KCNC3: variants seen among roughly 807,000 people sequenced by gnomAD.
The protein encoded by KCNC3 is potassium voltage-gated channel subfamily C member 3.
In KCNC3, 22 loss-of-function variants were observed where a neutral mutation model predicts 43.9. That is an observed-to-expected ratio of 0.50 (90% confidence interval 0.36 to 0.72). KCNC3 has a LOEUF of 0.72. KCNC3 is among the 30% of genes least tolerant of loss of function. The pLI is 0.00. For missense variants in KCNC3, 829 were observed against 1,073.8 expected (o/e 0.77, Z 3.19); for synonymous variants, 492 against 488.0 (o/e 1.01, Z -0.11).
chr19:50,331,517 C>G (rs1213787976), upstream of KCNC3, among the ~76,000 whole-genome samples: 1 of 124,348 alleles, frequency 8.0e-6, no homozygotes, highest in African/African-American at 3.2e-5. Context: ...CTCCCCATCT[C>G]TGGTGTATTT....
intron 2 of KCNC3, 115 bp from the exon 3 acceptor site, chr19:50,320,899 G>A (rs2037024994): frequency 9.8e-7 from 1 of 1,020,798 alleles, no homozygotes; most frequent in South Asian, 1.5e-5. Flanking sequence ...CGGATGTTTG[G>A]CACTGGAAGT....
rs1019157344 is a variant in KCNC3, at chr19:50,315,516, C to T, written c.*599G>A. 1.4e-5 allele frequency: 2 copies of T among 147,060 alleles called. No individual in the cohort carries two copies. Among genetic ancestry groups the T allele is most frequent in the Admixed American group, 6.8e-5 (1 of 14,706 alleles). The allele number at this position is 147,060 out of a possible 1,614,324, so 9.1% of individuals were successfully genotyped here. On this transcript the variant is annotated 3_prime_UTR_variant, in exon 5 of 5. Coordinates refer to ENST00000477616, the MANE Select transcript of KCNC3 (RefSeq NM_004977.3). Reference sequence around the variant, plus strand: ...AGAGGGCAGGGAACGGTGCGGCCGCCGTAGCGGGGCTGGGGGCTGACCTAG... The same window carrying T: ...AGAGGGCAGGGAACGGTGCGGCCGCTGTAGCGGGGCTGGGGGCTGACCTAG...
chr19:50,320,249 G>T lies in KCNC3; in HGVS notation c.2271C>A (p.Pro757=). ...CCGGGGGGAGGGGGTTCGTCCACTAGGGGGATATCCAGGCCGCGGCGTTGG... is the reference window on the plus strand; with the variant it reads ...CCGGGGGGAGGGGGTTCGTCCACTATGGGGATATCCAGGCCGCGGCGTTGG... ...LNANAAAWIS[P] Residue 757 remains proline, a synonymous_variant, in exon 4 of 5, where the codon CCC becomes CCA. Transcript: ENST00000477616. 5 of 912,918 alleles carry T rather than the reference G, an allele frequency of 5.5e-6. No individual in the cohort carries two copies. The highest frequency in any genetic ancestry group is 3.3e-5 in the East Asian group (1 of 30,662). 56.6% of individuals were successfully genotyped at this position (912,918 alleles called of 1,614,324 possible).
Position 50,324,157 on chromosome 19 carries a change from T to C in KCNC3, c.871-75A>G. 1 of 1,432,284 alleles carries C rather than the reference T, an allele frequency of 7.0e-7. No homozygotes were observed. Among genetic ancestry groups the C allele is most frequent in the South Asian group, 1.4e-5 (1 of 72,290 alleles). The allele number at this position is 1,432,284 out of a possible 1,614,324, so 88.7% of individuals were successfully genotyped here. The stretch of plus-strand genomic sequence containing the variant: ...GTTGGCCATAACATCCAGAAGACCC[T>C]TCCAGTGCCCCCTTCCCCAGCCTCC... On this transcript the variant is annotated intron_variant, in intron 1 of 4. Transcript: ENST00000477616. This position sits in a 1 kb window ranked among gnomAD's most constrained non-coding sequence, Gnocchi z 4.1.
In KCNC3 at chr19:50,316,054, G is replaced by T; in HGVS notation, c.*61C>A. 2 of 206,074 alleles carry T rather than the reference G, an allele frequency of 9.7e-6. No individual in the cohort carries two copies. The highest frequency in any genetic ancestry group is 2.1e-5 in the Non-Finnish European group (2 of 94,156). The allele number at this position is 206,074 out of a possible 1,614,324, so 12.8% of individuals were successfully genotyped here. A position where few individuals can be genotyped will look rare whatever the true frequency, so the allele number is the denominator to read the frequency against. Reference sequence around the variant, plus strand: ...TAACCTGGGGGGAAGGGGCGGGGGGGACCGAAAGTCTCGCGAGGTCTCAGG... The same window carrying T: ...TAACCTGGGGGGAAGGGGCGGGGGGTACCGAAAGTCTCGCGAGGTCTCAGG... On this transcript the variant is annotated 3_prime_UTR_variant, in exon 5 of 5. Coordinates refer to ENST00000477616, the MANE Select transcript of KCNC3 (RefSeq NM_004977.3).
chr19:50,315,923 G>T lies in KCNC3; in HGVS notation c.*192C>A. 2 of 347,240 alleles carry T rather than the reference G, an allele frequency of 5.8e-6. No homozygotes were observed. The highest frequency in any genetic ancestry group is 1.1e-5 in the Non-Finnish European group (2 of 182,058). The allele number at this position is 347,240 out of a possible 1,614,324, so 21.5% of individuals were successfully genotyped here. ...CTGTGGCTTTTCCAGGCAACGCTAA[G>T]GGAGCTGTCTGGACAAAAGGTGTCT... On this transcript the variant is annotated 3_prime_UTR_variant, in exon 5 of 5. Transcript: ENST00000477616.
intron 4 of KCNC3, among the ~76,000 whole-genome samples, chr19:50,318,925 C>T (rs578038120): frequency 1.5e-5 from 2 of 129,056 alleles, no homozygotes; most frequent in African/African-American, 5.7e-5. Flanking sequence ...ATCCAGGAGG[C>T]GGAGGTTGCA....
rs2037084172 is a variant in KCNC3, at chr19:50,324,922, G to A, written c.871-840C>T. The stretch of plus-strand genomic sequence containing the variant: ...GGTTAAGCCTGCAAAAATGGAAGAG[G>A]AGATAAAAGAGGAGAGTCAGGCAGG... On this transcript the variant is annotated intron_variant, in intron 1 of 4. Coordinates refer to ENST00000477616, the MANE Select transcript of KCNC3 (RefSeq NM_004977.3). This position sits in a 1 kb window ranked among gnomAD's most constrained non-coding sequence, Gnocchi z 4.1. 6.6e-6 allele frequency among the ~76,000 whole-genome samples: 1 copy of A among 152,072 alleles called. No homozygotes were observed. Among genetic ancestry groups the A allele is most frequent in the Non-Finnish European group, 1.5e-5 (1 of 68,012 alleles).
At chr19:50,332,428 A>G (rs1479658553), upstream of KCNC3, among the ~76,000 whole-genome samples, 1 of 152,156 alleles carries the variant, frequency 6.6e-6, no homozygotes, top group African/African-American at 2.4e-5. The surrounding 1 kb of genome is among the most constrained non-coding windows in gnomAD (Gnocchi z 5.8). Context: ...ACTCAGGATT[A>G]GAGGCCATGG....
intron 2 of KCNC3, 121 bp from the exon 3 acceptor site, chr19:50,320,905 G>A (rs989778492): frequency 1.1e-6 from 1 of 949,592 alleles, no homozygotes; most frequent in Non-Finnish European, 1.6e-6. Flanking sequence ...TTTGGCACTG[G>A]AAGTGGAGAT....
intron 4 of KCNC3, among the ~76,000 whole-genome samples, chr19:50,319,136 C>T (rs931386567): frequency 6.6e-6 from 1 of 151,958 alleles, no homozygotes; most frequent in Non-Finnish European, 1.5e-5. Context: ...GTGGTAGGTA[C>T]TTGGTGATAT....
At position 50,320,302 on chromosome 19, in the gene KCNC3, G is replaced by A. The variant is rs1386627474; in HGVS notation, c.2218C>T (p.Pro740Ser). 5.8e-6 allele frequency: 5 copies of A among 867,234 alleles called. No individual in the cohort carries two copies. Among genetic ancestry groups the A allele is most frequent in the African/African-American group, 1.9e-5 (1 of 52,446 alleles). The allele number at this position is 867,234 out of a possible 1,614,324, so 53.7% of individuals were successfully genotyped here. A position where few individuals can be genotyped will look rare whatever the true frequency, so the allele number is the denominator to read the frequency against. The change falls in exon 4 of 5, where the codon CCC becomes TCC. Residue 740 changes from proline (P) to serine (S), a missense_variant. Physicochemically the swap from Pro to Ser is moderately conservative, Grantham distance 74. This residue lies in a region of KCNC3 where 308 missense variants were observed against 276.2 expected (regional missense o/e 1.11). Coordinates refer to ENST00000477616, the MANE Select transcript of KCNC3 (RefSeq NM_004977.3). ...LPPQDWRKPG[P>S]PSFLPDLNAN... ...TTGAGGTCGGGCAAGAAGCTTGGGGGGCCTGGCTTACGCCAGTCTTGGGGG... is the reference window on the plus strand; with the variant it reads ...TTGAGGTCGGGCAAGAAGCTTGGGGAGCCTGGCTTACGCCAGTCTTGGGGG...
At chr19:50,325,883 CAA>C (rs540547586) in intron 1 of KCNC3, among the ~76,000 whole-genome samples, 298 of 152,056 alleles carry the variant, frequency 2.0e-3, no homozygotes, top group Non-Finnish European at 2.9e-3. Context: ...GGCCAAGGGC[CAA>C]GAGTCTAATT....
rs761236570 is a variant in KCNC3, at chr19:50,320,643, C to G, written c.2120G>C (p.Cys707Ser). 3.7e-6 allele frequency: 6 copies of G among 1,613,268 alleles called. No individual in the cohort carries two copies. The highest frequency in any genetic ancestry group is 5.1e-6 in the Non-Finnish European group (6 of 1,179,898). Reference sequence around the variant, plus strand: ...AGGGGCATAGTCGGTGAGGAGGAAGCAGGCTCGGTCCCGGCTATAGCGGCC... The same window carrying G: ...AGGGGCATAGTCGGTGAGGAGGAAGGAGGCTCGGTCCCGGCTATAGCGGCC... ...SRGRYSRDRA[C>S]FLLTDYAPSP... The change falls in exon 3 of 5, where the codon TGC (cysteine) becomes TCC (serine). Residue 707 changes from cysteine (C) to serine (S), a missense_variant. By Grantham distance (112) the Cys-to-Ser change is moderately radical. Coordinates refer to ENST00000477616, the MANE Select transcript of KCNC3 (RefSeq NM_004977.3).
rs770769947 is a variant in KCNC3 at position 50,320,702 on chromosome 19, C to T, written c.2061G>A (p.Pro687=). 14 of 1,613,864 alleles carry T rather than the reference C, an allele frequency of 8.7e-6. No homozygotes were observed. The highest frequency in any genetic ancestry group is 3.3e-5 in the South Asian group (3 of 91,068). ...CAGGCGTGATGGGGCTCTTGTCTTC[C>T]GGGGACATGGCAGGCTGGTCAATGG... ...CPAIDQPAMS[P]EDKSPITPGS... is the part of the protein sequence containing the mutation. Residue 687 remains proline, a synonymous_variant, in exon 3 of 5, where the codon CCG becomes CCA. Transcript: ENST00000477616.
At chr19:50,317,259 G>A (rs1438970027) in intron 4 of KCNC3, among the ~76,000 whole-genome samples, 1 of 152,062 alleles carries the variant, frequency 6.6e-6, no homozygotes, top group Admixed American at 6.5e-5. Flanking sequence ...GAGCCAGACA[G>A]TCCCCCCTCT....
Position 50,315,014 on chromosome 19 carries a change from A to C in KCNC3, c.*1101T>G, listed in dbSNP as rs192191106. 7.3e-4 allele frequency: 184 copies of C among 253,632 alleles called. No individual in the cohort carries two copies. The highest frequency in any genetic ancestry group is 1.1e-3 in the Non-Finnish European group (135 of 127,584). The allele number at this position is 253,632 out of a possible 1,614,324, so 15.7% of individuals were successfully genotyped here. ...ACCTGGGGGGTGGGGAGGTGTGCAG[A>C]CACAGGGGGGAAGCACGAAGATGGG... On this transcript the variant is annotated 3_prime_UTR_variant, in exon 5 of 5. Coordinates refer to ENST00000477616, the MANE Select transcript of KCNC3 (RefSeq NM_004977.3).
At position 50,323,395 on chromosome 19, in the gene KCNC3, C is replaced by T. The variant is rs2037061375; in HGVS notation, c.1558G>A (p.Gly520Arg). ...YPKTWSGMLV[G>R]ALCALAGVLT... ...ACCCCCGCCAGGGCACACAGCGCCC[C>T]GACCAGCATCCCCGACCACGTCTTG... is the stretch of plus-strand genomic sequence containing the variant. The change falls in exon 2 of 5, where the codon GGG (glycine) becomes AGG (arginine). Residue 520 changes from glycine (G) to arginine (R), a missense_variant. Around this residue, in one of 7 missense-constraint regions of KCNC3, gnomAD observed 33 missense variants for 96.0 expected, o/e 0.34. Coordinates refer to ENST00000477616, the MANE Select transcript of KCNC3 (RefSeq NM_004977.3). 6.2e-7 allele frequency: 1 copy of T among 1,614,192 alleles called. No homozygotes were observed. Among genetic ancestry groups the T allele is most frequent in the Non-Finnish European group, 8.5e-7 (1 of 1,180,034 alleles).
upstream of KCNC3, among the ~76,000 whole-genome samples, chr19:50,330,494 G>T (rs1330796643): frequency 6.6e-6 from 1 of 152,070 alleles, no homozygotes; most frequent in Non-Finnish European, 1.5e-5. Context: ...CTGGAACGGG[G>T]AGTCTTCGGG....
Sources: allele counts gnomAD v4.1 joint callset (sites outside exome capture counted in the v4.1 genomes callset), GRCh38; gene constraint gnomAD v4.1.1; regional missense constraint gnomAD v4.1.1; non-coding constraint Gnocchi (gnomAD v3.1); transcripts MANE v1.5; gene names NCBI Gene and HGNC (gene_info 2026-07-23, HGNC 2026-07-21).